Variants in SORCS3 observed in about 807,000 individuals in gnomAD.
The protein encoded by SORCS3 is VPS10 domain-containing receptor SorCS3.
Under a neutral mutation model 146.3 loss-of-function variants are expected in SORCS3, and 57 were observed. The observed-to-expected ratio is 0.39, with a 90% CI of 0.31 to 0.49. SORCS3 has a LOEUF of 0.49. Among genes scored for constraint, SORCS3 ranks in the 20% least tolerant of loss-of-function variants. The pLI is 0.92. For missense variants in SORCS3, 1,341 were observed against 1,575.5 expected, an observed-to-expected ratio of 0.85 and a Z score of 2.52; for synonymous variants, 653 against 618.5, an observed-to-expected ratio of 1.06 and a Z score of -0.83.
chr10:105,105,231 C>T (rs1035159691), intron 6 of SORCS3, among the ~76,000 whole-genome samples, 166 bp from the exon 7 acceptor site: 13 of 152,222 alleles, frequency 8.5e-5, no homozygotes, highest in Middle Eastern at 3.4e-3. Flanking sequence ...TTAGATATTA[C>T]GATTTTTTGG....
rs1554889529 is a variant in SORCS3 at position 105,242,713 on chromosome 10, T to TAC, written c.2869-2828_2869-2827insCA. Among the ~76,000 whole-genome samples, 930 of 98,904 alleles carry TAC rather than the reference T, an allele frequency of 9.4e-3. 15 individuals carry two copies. Among genetic ancestry groups the TAC allele is most frequent in the African/African-American group, 0.015 (361 of 23,846 alleles). 64.9% of individuals were successfully genotyped at this position (98,904 alleles called of 152,430 possible). A position where few individuals can be genotyped will look rare whatever the true frequency, so the allele number is the denominator to read the frequency against. On this transcript the variant is annotated intron_variant, in intron 20 of 26. Transcript: ENST00000369701. Reference sequence around the variant, plus strand: ...ATTTATATACATTTATATATTTATATATTTATATACATTTATATATATTTA... The same window carrying TAC: ...ATTTATATACATTTATATATTTATATACATTTATATACATTTATATATATTTA...
intron 1 of SORCS3, among the ~76,000 whole-genome samples, chr10:104,714,349 C>A (rs111241484): frequency 6.6e-6 from 1 of 151,896 alleles, no homozygotes; most frequent in African/African-American, 2.4e-5. Flanking sequence ...ATCTTAGGTT[C>A]ATTGATTTTA....
intron 3 of SORCS3, among the ~76,000 whole-genome samples, chr10:104,974,463 A>C (rs553394987): frequency 3.4e-4 from 52 of 151,972 alleles, no homozygotes; most frequent in African/African-American, 5.1e-4. Flanking sequence ...CCTTCTTTGT[A>C]TCTTTTGATC....
chr10:104,801,609 G>A (rs538098241), intron 1 of SORCS3, among the ~76,000 whole-genome samples: 17 of 152,252 alleles, frequency 1.1e-4, no homozygotes, highest in African/African-American at 3.1e-4. Flanking sequence ...GATGCATTGC[G>A]GTTCAGTGTA....
chr10:104,740,218 A>C lies in SORCS3; in HGVS notation c.627+98264A>C, dbSNP rs993550789. Among the ~76,000 whole-genome samples, 4 of 152,222 alleles carry C rather than the reference A, an allele frequency of 2.6e-5. No homozygotes were observed. The East Asian group carries it at 7.7e-4, about 29-fold the overall frequency. ...TATTTATGACAAATTCCTTCAAAAA[A>C]TCTGCCTGTACTGTGTAGTCCTAGA... On this transcript the variant is annotated intron_variant, in intron 1 of 26. Transcript: ENST00000369701.
chr10:105,219,520 A>G (rs2056686200), intron 19 of SORCS3, among the ~76,000 whole-genome samples: 1 of 152,178 alleles, frequency 6.6e-6, no homozygotes, highest in Admixed American at 6.5e-5. Flanking sequence ...CACTCTTATC[A>G]GTTAACGGTT....
chr10:104,924,712 A>T (rs2019121866), intron 3 of SORCS3, among the ~76,000 whole-genome samples: 1 of 152,194 alleles, frequency 6.6e-6, no homozygotes, highest in South Asian at 2.1e-4. Context: ...CTGAGAAGTC[A>T]TTTAAATTCT....
chr10:105,178,626 GAC>G (rs1473068654), intron 14 of SORCS3, among the ~76,000 whole-genome samples: 3 of 151,768 alleles, frequency 2.0e-5, no homozygotes, highest in Admixed American at 1.3e-4. Context: ...AACACACACA[GAC>G]ACACACTCCA....
chr10:104,831,229 T>C (rs915689926), intron 1 of SORCS3, among the ~76,000 whole-genome samples: 23 of 152,202 alleles, frequency 1.5e-4, no homozygotes, highest in Non-Finnish European at 3.2e-4. Flanking sequence ...TAATGTTAAT[T>C]GCTTTGTAGA....
At chr10:104,940,236 ATATTTTTTTTT>A (rs1349148666) in intron 3 of SORCS3, among the ~76,000 whole-genome samples, 592 of 23,568 alleles carry the variant, frequency 0.025, 5 homozygotes, top group African/African-American at 0.069. Flanking sequence ...ATATATATAT[ATATTTTTTTTT>A]TTTTTTTTAT....
At chr10:104,745,342 A>C (rs2016895035) in intron 1 of SORCS3, among the ~76,000 whole-genome samples, 1 of 152,252 alleles carries the variant, frequency 6.6e-6, no homozygotes, top group Non-Finnish European at 1.5e-5. Context: ...AAAGTAGACC[A>C]AAACATCTAA....
chr10:105,237,677 T>A (rs1394351491), intron 20 of SORCS3, among the ~76,000 whole-genome samples: 1 of 152,170 alleles, frequency 6.6e-6, no homozygotes, highest in Non-Finnish European at 1.5e-5. Flanking sequence ...AGTGCCGTGA[T>A]TTTAGAGCTG....
chr10:104,723,617 T>C (rs1213186082), intron 1 of SORCS3, among the ~76,000 whole-genome samples: 1 of 152,174 alleles, frequency 6.6e-6, no homozygotes, highest in Non-Finnish European at 1.5e-5. Context: ...GGAATCTAAG[T>C]CTCTTTGTAG....
chr10:104,852,453 C>T (rs1229445355), intron 2 of SORCS3, among the ~76,000 whole-genome samples: 1 of 152,276 alleles, frequency 6.6e-6, no homozygotes, highest in Admixed American at 6.5e-5. Flanking sequence ...TTTCAATTCA[C>T]GTGGATTATG....
chr10:105,164,176 G>T, intron 11 of SORCS3, 127 bp from the exon 12 acceptor site: 2 of 704,246 alleles, frequency 2.8e-6, no homozygotes, highest in East Asian at 2.7e-5. Flanking sequence ...CACCAGAAAA[G>T]AAACTGCACA....
intron 7 of SORCS3, among the ~76,000 whole-genome samples, chr10:105,134,249 G>A (rs965378162): frequency 1.3e-5 from 2 of 152,156 alleles, no homozygotes; most frequent in Non-Finnish European, 2.9e-5. Flanking sequence ...TTGTTATGAG[G>A]ATTAAATTAG....
At chr10:104,850,571 G>C (rs1434471505) in intron 2 of SORCS3, among the ~76,000 whole-genome samples, 1 of 152,134 alleles carries the variant, frequency 6.6e-6, no homozygotes, top group Admixed American at 6.5e-5. Flanking sequence ...GTGACAAAGT[G>C]AGACCCTGTC....
intron 2 of SORCS3, among the ~76,000 whole-genome samples, chr10:104,863,108 C>G (rs75473219): frequency 0.052 from 7,861 of 152,236 alleles, 630 homozygotes; most frequent in African/African-American, 0.18. Flanking sequence ...TGGGTAAAAT[C>G]TGCTGAGAGA....
intron 1 of SORCS3, among the ~76,000 whole-genome samples, chr10:104,772,697 T>C (rs1389479707): frequency 6.6e-6 from 1 of 152,212 alleles, no homozygotes; most frequent in African/African-American, 2.4e-5. Context: ...ACCTTTGTTC[T>C]CTGCCAGGAA....
Sources: allele counts gnomAD v4.1 joint callset (sites outside exome capture counted in the v4.1 genomes callset), GRCh38; gene constraint gnomAD v4.1.1; transcripts MANE v1.5; gene names NCBI Gene and HGNC (gene_info 2026-07-23, HGNC 2026-07-21).